Variants in NBPF9 observed in about 807,000 individuals in gnomAD.
The protein encoded by NBPF9 is NBPF member 9, also known as NBPF family member NBPF9.
In NBPF9, 91 loss-of-function variants were observed where a neutral mutation model predicts 97.8. That is an observed-to-expected ratio of 0.93 (90% CI 0.79 to 1.11). The LOEUF (loss-of-function observed/expected upper bound fraction) is 1.11, where lower values mean the gene tolerates loss of function less well. NBPF9 is among the 50% of genes least tolerant of loss of function. The pLI is 0.00. For synonymous variants in NBPF9, 334 were observed against 359.5 expected (o/e 0.93, Z 0.80); for missense variants, 992 against 939.5 (o/e 1.06, Z -0.73).
chr1:149,098,013 G>A (rs1426563814), intron 4 of NBPF9, among the ~76,000 whole-genome samples: 7 of 152,030 alleles, frequency 4.6e-5, no homozygotes, highest in Admixed American at 3.3e-4. Context: ...ACAGTGCAGG[G>A]CCTTAGCCTG....
At chr1:149,103,271 C>T (rs1301367830) in intron 1 of NBPF9, 30 bp downstream of exon 1, 12 of 151,428 alleles carry the variant, frequency 7.9e-5, no homozygotes, top group African/African-American at 1.9e-4. Flanking sequence ...CCGGACTCAC[C>T]GCCCGCCCGG....
chr1:149,058,690 G>T, intron 26 of NBPF9: 2 of 310,696 alleles, frequency 6.4e-6, no homozygotes, highest in Non-Finnish European at 1.1e-5. Context: ...TGCTGAGAGC[G>T]GGCTCAGGTT....
chr1:149,072,830 G>C lies in NBPF9; in HGVS notation c.1194C>G (p.Leu398=), dbSNP rs782695191. 35 of 1,597,852 alleles carry C rather than the reference G, an allele frequency of 2.2e-5. 1 individual carries two copies. In the Admixed American group the frequency reaches 4.8e-4, roughly 22 times the overall value. Residue 398 remains leucine (L), a synonymous_variant, in exon 14 of 30, where the codon CTC becomes CTG. Transcript: ENST00000584027. ...GCTCATCCGGAGTGAGGAGGGCCTG[G>C]AGATGCTCATTCAATGAGCGGGAGG...
chr1:149,055,596 C>G (rs1221920014), exon 30 of NBPF9: 2 of 1,583,864 alleles, frequency 1.3e-6, no homozygotes, highest in East Asian at 2.2e-5. Context: ...TCATTCAAAA[C>G]TTCACGTGCC....
chr1:149,052,990 A>AGTGTTTC (rs2077997799), downstream of NBPF9, among the ~76,000 whole-genome samples: 1 of 93,186 alleles, frequency 1.1e-5, no homozygotes, highest in Non-Finnish European at 2.1e-5. Context: ...GAGCCACACG[A>AGTGTTTC]CGGCAGAGGG....
intron 5 of NBPF9, among the ~76,000 whole-genome samples, chr1:149,086,280 A>G (rs587669918): frequency 6.6e-5 from 10 of 151,862 alleles, no homozygotes; most frequent in Non-Finnish European, 1.2e-4. Context: ...ATTAAGAGGA[A>G]AAAAAAAAAA....
At chr1:149,090,841 C>T (rs1553659905) in exon 5 of NBPF9, 1 of 574,636 alleles carries the variant, frequency 1.7e-6, no homozygotes, top group African/African-American at 2.1e-5. Context: ...TTAGCAAGAT[C>T]TGAGTTTCTC....
intron 29 of NBPF9, among the ~76,000 whole-genome samples, chr1:149,056,188 G>C (rs879948001): frequency 2.2e-4 from 33 of 150,930 alleles, no homozygotes; most frequent in African/African-American, 3.4e-4. Flanking sequence ...GACACTCTGA[G>C]TTAGTGCCCT....
chr1:149,078,766 G>A lies in NBPF9; in HGVS notation c.493+241C>T, dbSNP rs1212547248. On this transcript the variant is annotated intron_variant, in intron 9 of 29. Transcript: ENST00000584027. ...TCCTGTCCTTTAAAACTAGATAGAT[G>A]CTGCCTCTTGCTCCAAAGACCACCT... 3.6e-5 allele frequency among the ~76,000 whole-genome samples: 5 copies of A among 140,426 alleles called. 1 individual carries two copies. The highest frequency in any genetic ancestry group is 6.2e-5 in the Non-Finnish European group (4 of 64,588). 92.1% of individuals were successfully genotyped at this position (140,426 alleles called of 152,430 possible). A position where few individuals can be genotyped will look rare whatever the true frequency, so the allele number is the denominator to read the frequency against.
At chr1:149,074,854 C>A (rs322072) in intron 12 of NBPF9, among the ~76,000 whole-genome samples, 6,236 of 151,170 alleles carry the variant, frequency 0.041, 477 homozygotes, top group African/African-American at 0.14. Flanking sequence ...CCCTGTCGCC[C>A]AGGCTGGAGT....
intron 6 of NBPF9, 25 bp from the exon 7 acceptor site, chr1:149,082,199 T>C: frequency 1.1e-5 from 17 of 1,598,866 alleles, no homozygotes; most frequent in East Asian, 2.2e-5. Context: ...CCCAAACATA[T>C]GATGGGTTAA....
chr1:149,084,512 C>A (rs1302278349), intron 5 of NBPF9, among the ~76,000 whole-genome samples: 5 of 147,770 alleles, frequency 3.4e-5, no homozygotes, highest in Admixed American at 3.4e-4. Flanking sequence ...GAGGACAGCA[C>A]CTGCATCGAG....
chr1:149,069,463 T>C, intron 17 of NBPF9, 131 bp downstream of exon 17: 2 of 532,320 alleles, frequency 3.8e-6, no homozygotes, highest in Non-Finnish European at 6.8e-6. Flanking sequence ...ACATACAACA[T>C]TGTAAATCAG....
exon 16 of NBPF9, chr1:149,070,973 A>C (rs1553652799): frequency 1.2e-6 from 2 of 1,612,606 alleles, no homozygotes; most frequent in East Asian, 4.5e-5. Context: ...TCAACATGAG[A>C]GGATGAGCCA....
At chr1:149,072,626 C>A (rs1402689454) in intron 14 of NBPF9, 92 bp downstream of exon 14, 6 of 1,492,352 alleles carry the variant, frequency 4.0e-6, no homozygotes, top group East Asian at 2.3e-5. Flanking sequence ...GAAAAAAACA[C>A]CATTGATACA....
At chr1:149,100,933 G>GAAA (rs4067399) in intron 3 of NBPF9, among the ~76,000 whole-genome samples, 1 of 131,768 alleles carries the variant, frequency 7.6e-6, no homozygotes, top group East Asian at 2.3e-4. Flanking sequence ...GGCCCTGTCT[G>GAAA]AAAAAAAAAA....
chr1:149,090,401 G>A (rs1356446824), intron 5 of NBPF9: 2 of 238,844 alleles, frequency 8.4e-6, no homozygotes, highest in Non-Finnish European at 1.6e-5. Flanking sequence ...ATGACCATCT[G>A]TTTCATGGCC....
At chr1:149,065,906 T>C in intron 17 of NBPF9, 1 of 666,032 alleles carries the variant, frequency 1.5e-6, no homozygotes, top group Non-Finnish European at 2.5e-6. Context: ...CTCAGTACAT[T>C]TGCCACAGAT....
At chr1:149,072,659 G>C in intron 14 of NBPF9, 59 bp downstream of exon 14, 1 of 1,550,386 alleles carries the variant, frequency 6.5e-7, no homozygotes, top group South Asian at 1.1e-5. Context: ...AAAGTATGGA[G>C]GTCTGGAGCC....
Sources: gnomAD v4.1 joint callset for allele counts (sites outside exome capture counted in the v4.1 genomes callset) on GRCh38, gnomAD v4.1.1 for gene constraint, MANE v1.5 for transcripts, NCBI Gene and HGNC (gene_info 2026-07-23, HGNC 2026-07-21) for gene names.